RAD54B: variants seen among roughly 807,000 people sequenced by gnomAD.
RAD54B encodes the protein RAD54 homolog B.
A neutral mutation model predicts 95.8 loss-of-function variants in RAD54B; 78 were observed. The ratio of observed to expected loss-of-function variants is 0.81; its 90% confidence interval spans 0.68 to 0.98. RAD54B has a LOEUF of 0.98. Among genes scored for constraint, RAD54B ranks in the 50% least tolerant of loss-of-function variants. The pLI is 0.00. For synonymous variants in RAD54B, 328 were observed against 354.9 expected, an observed-to-expected ratio of 0.92 and a Z score of 0.85; for missense variants, 957 against 1,056.6, an observed-to-expected ratio of 0.91 and a Z score of 1.31.
At chr8:94,462,068 A>T (rs1812918933) in intron 2 of RAD54B, among the ~76,000 whole-genome samples, 1 of 152,182 alleles carries the variant, frequency 6.6e-6, no homozygotes, top group Non-Finnish European at 1.5e-5. Context: ...ATTTCAAAAT[A>T]AGGCCAGTTA....
intron 4 of RAD54B, 69 bp from the exon 5 acceptor site, chr8:94,407,789 C>CA: frequency 5.3e-6 from 7 of 1,331,392 alleles, no homozygotes; most frequent in South Asian, 1.5e-5. Flanking sequence ...CGTAACTGTA[C>CA]AAAAAAACTG....
intron 3 of RAD54B, among the ~76,000 whole-genome samples, chr8:94,442,320 TC>T (rs1359055469): frequency 6.6e-6 from 1 of 151,302 alleles, no homozygotes. Flanking sequence ...ACGCCTGTAA[TC>T]CCAGCACTTT....
At chr8:94,381,412 T>A (rs1398546106) in intron 11 of RAD54B, among the ~76,000 whole-genome samples, 2 of 152,212 alleles carry the variant, frequency 1.3e-5, no homozygotes, top group African/African-American at 4.8e-5. Flanking sequence ...TTTTACTGCT[T>A]CACTCTTAAC....
chr8:94,395,876 C>T lies in RAD54B; in HGVS notation c.1379-1994G>A, dbSNP rs753048802. ...ACATAACCAGAATCCTTGATGACAA[C>T]GTTGGGTTGTTGTAGCCTGGCCTAC... On this transcript the variant is annotated intron_variant, in intron 8 of 14. Coordinates refer to ENST00000336148, the MANE Select transcript of RAD54B (RefSeq NM_012415.3). Among the ~76,000 whole-genome samples the T allele has an allele frequency of 4.6e-5, 7 of 152,286 alleles. No homozygotes were observed. The South Asian group carries it at 1.5e-3, about 32-fold the overall frequency.
chr8:94,407,659 A>G lies in RAD54B; in HGVS notation c.561T>C (p.Cys187=). 6.2e-7 allele frequency: 1 copy of G among 1,613,942 alleles called. No homozygotes were observed. The highest frequency in any genetic ancestry group is 8.5e-7 in the Non-Finnish European group (1 of 1,179,916). ...KIEEGQTLMI[C]GKEIEVMGVI... is the part of the protein sequence containing the mutation. ...CACCCATGACTTCTATTTCTTTTCC[A>G]CAAATCATCAGTGTTTGGCCCTCTT... Residue 187 remains cysteine, a synonymous_variant, in exon 5 of 15, where the codon TGT becomes TGC. Transcript: ENST00000336148.
chr8:94,456,290 CT>C (rs1250729372), intron 3 of RAD54B, among the ~76,000 whole-genome samples: 1 of 152,236 alleles, frequency 6.6e-6, no homozygotes, highest in African/African-American at 2.4e-5. Flanking sequence ...TGAAAATGTA[CT>C]TATCAGGGCT....
rs894556283 is a variant in RAD54B at position 94,467,273 on chromosome 8, T to G, written c.135+132A>C. On this transcript the variant is annotated intron_variant, in intron 2 of 14. Coordinates refer to ENST00000336148, the MANE Select transcript of RAD54B (RefSeq NM_012415.3). ...AATTATGTAATCTTCATTTCCAAGGTTTTTAGAAGATGTTTTCAGAGATAC... is the reference window on the plus strand; with the variant it reads ...AATTATGTAATCTTCATTTCCAAGGGTTTTAGAAGATGTTTTCAGAGATAC... 11 of 812,582 alleles carry G rather than the reference T, an allele frequency of 1.4e-5. No homozygotes were observed. In the South Asian group the frequency reaches 1.5e-4, roughly 11 times the overall value. 50.3% of individuals were successfully genotyped at this position (812,582 alleles called of 1,614,324 possible).
At chr8:94,420,779 G>C (rs573308699) in intron 3 of RAD54B, among the ~76,000 whole-genome samples, 31 of 152,110 alleles carry the variant, frequency 2.0e-4, no homozygotes, top group African/African-American at 6.7e-4. Flanking sequence ...GAGGTCAGGA[G>C]TTCGAGACAA....
intron 6 of RAD54B, among the ~76,000 whole-genome samples, chr8:94,401,903 A>G (rs1811274783): frequency 6.6e-6 from 1 of 152,218 alleles, no homozygotes; most frequent in Admixed American, 6.5e-5. Flanking sequence ...AGCAAACAGG[A>G]AGCCTTTATG....
chr8:94,391,947 C>T (rs1211154709), intron 9 of RAD54B, 48 bp from the exon 10 acceptor site: 3 of 1,453,764 alleles, frequency 2.1e-6, no homozygotes, highest in Non-Finnish European at 2.8e-6. Flanking sequence ...GACAAAAATA[C>T]ACTTAAAATG....
At chr8:94,415,880 G>A (rs1052082412) in intron 3 of RAD54B, among the ~76,000 whole-genome samples, 10 of 152,022 alleles carry the variant, frequency 6.6e-5, no homozygotes, top group Non-Finnish European at 1.0e-4. Context: ...AGGTGCTGGA[G>A]AGGATGTGGA....
intron 2 of RAD54B, among the ~76,000 whole-genome samples, chr8:94,462,377 C>T (rs1257701365): frequency 6.6e-6 from 1 of 152,182 alleles, no homozygotes; most frequent in African/African-American, 2.4e-5. Flanking sequence ...CTCTCTAACA[C>T]CATCATTACT....
At chr8:94,423,992 T>C (rs781195759) in intron 3 of RAD54B, among the ~76,000 whole-genome samples, 15 of 152,174 alleles carry the variant, frequency 9.9e-5, no homozygotes, top group Non-Finnish European at 2.1e-4. Context: ...AAAAACATCC[T>C]GGAGTAAAAT....
At chr8:94,437,142 G>C (rs918354566) in intron 3 of RAD54B, among the ~76,000 whole-genome samples, 1 of 152,212 alleles carries the variant, frequency 6.6e-6, no homozygotes, top group Admixed American at 6.5e-5. Context: ...GGAACAGCTC[G>C]AGACAGGATT....
At chr8:94,409,167 C>T (rs1811467423) in intron 4 of RAD54B, among the ~76,000 whole-genome samples, 2 of 151,994 alleles carry the variant, frequency 1.3e-5, no homozygotes, top group African/African-American at 2.4e-5. Context: ...AGAAAAACTG[C>T]TTATAGACAG....
rs750457168 is a variant in RAD54B, at chr8:94,393,806, CAA to C, written c.1453_1454del (p.Leu485ValfsTer4). On this transcript the variant is annotated frameshift_variant, in exon 9 of 15. Transcript: ENST00000336148. LOFTEE classifies it high-confidence loss of function. Reference sequence around the variant, plus strand: ...CTTCATATATTTTCCTATAAGATGACAAAGAGCCTAATATTCCTGGATTTACA... The same window carrying C: ...CTTCATATATTTTCCTATAAGATGACAGAGCCTAATATTCCTGGATTTACA... ...DFVNPGILGS[L>X]SSYRKIYEEP... The C allele has an allele frequency of 6.3e-7, 1 of 1,586,846 alleles. No homozygotes were observed. Among genetic ancestry groups the C allele is most frequent in the Non-Finnish European group, 8.6e-7 (1 of 1,156,786 alleles).
At chr8:94,415,710 T>C (rs1361154953) in intron 3 of RAD54B, among the ~76,000 whole-genome samples, 4 of 146,728 alleles carry the variant, frequency 2.7e-5, no homozygotes, top group African/African-American at 7.4e-5. Flanking sequence ...GGGCAAAGGA[T>C]ATGAACAGAC....
At chr8:94,448,677 T>C (rs1812577527) in intron 3 of RAD54B, among the ~76,000 whole-genome samples, 1 of 140,776 alleles carries the variant, frequency 7.1e-6, no homozygotes, top group African/African-American at 2.8e-5. Flanking sequence ...TCTCACGTTA[T>C]ATGTGGAATG....
chr8:94,448,023 TTC>T (rs1299458183), intron 3 of RAD54B, among the ~76,000 whole-genome samples: 3 of 152,208 alleles, frequency 2.0e-5, no homozygotes, highest in Non-Finnish European at 4.4e-5. Context: ...TAAAAATATA[TTC>T]TTTTTGGTTA....
Sources: gnomAD v4.1 joint callset for allele counts (sites outside exome capture counted in the v4.1 genomes callset) on GRCh38, gnomAD v4.1.1 for gene constraint, MANE v1.5 for transcripts, NCBI Gene and HGNC (gene_info 2026-07-23, HGNC 2026-07-21) for gene names.